Variants in ADNP2 observed in about 807,000 individuals in gnomAD.
ADNP2 encodes the protein activity-dependent neuroprotector homeobox protein 2.
In ADNP2, 8 loss-of-function variants were observed where a neutral mutation model predicts 16.4. The ratio of observed to expected loss-of-function variants is 0.49; its 90% confidence interval spans 0.29 to 0.88. The LOEUF is 0.88. ADNP2 is among the 40% of genes least tolerant of loss of function. ADNP2 has a pLI of 0.09. For missense variants in ADNP2, 1,397 were observed against 1,395.1 expected (o/e 1.00, Z -0.02); for synonymous variants, 637 against 545.8 (o/e 1.17, Z -2.33).
At chr18:80,130,269 T>C (rs140123070) in intron 2 of ADNP2, among the ~76,000 whole-genome samples, 9 of 152,360 alleles carry the variant, frequency 5.9e-5, no homozygotes, top group East Asian at 3.9e-4. Flanking sequence ...TTTGTACTTA[T>C]ACTTTTCTGT....
At chr18:80,126,691 C>T (rs1296739286) in intron 2 of ADNP2, among the ~76,000 whole-genome samples, 4 of 152,114 alleles carry the variant, frequency 2.6e-5, no homozygotes, top group South Asian at 4.2e-4. Context: ...CTTTGTGTGT[C>T]TTTTGCTTAG....
rs749208889 is a variant in ADNP2, at chr18:80,137,532, G to A, written c.2119G>A (p.Val707Ile). ...CTGCAACGAGCTCTTTCCGTCCAAC[G>A]TCTACCAGGTCCACATGGAGGTAGC... is the stretch of plus-strand genomic sequence containing the variant. ...PVCNELFPSNVYQVHMEVAHK... is the reference protein window; with the variant it reads ...PVCNELFPSNIYQVHMEVAHK... Residue 707 changes from valine to isoleucine, a missense_variant, in exon 4 of 4, where the codon GTC (valine) becomes ATC (isoleucine). Transcript: ENST00000262198. The surrounding 1 kb of genome is among the most constrained non-coding windows in gnomAD (Gnocchi z 4.2). 1.4e-5 allele frequency: 22 copies of A among 1,614,096 alleles called. No individual in the cohort carries two copies. Among genetic ancestry groups the A allele is most frequent in the Middle Eastern group, 1.6e-4 (1 of 6,084 alleles).
chr18:80,122,658 G>T (rs1263694891), intron 2 of ADNP2, among the ~76,000 whole-genome samples: 1 of 152,170 alleles, frequency 6.6e-6, no homozygotes, highest in African/African-American at 2.4e-5. Flanking sequence ...ACTGATTTTT[G>T]TGTATTGATC....
At position 80,135,968 on chromosome 18, in the gene ADNP2, C is replaced by T. The variant is rs2052530018; in HGVS notation, c.555C>T (p.Ser185=). 2 of 1,614,098 alleles carry T rather than the reference C, an allele frequency of 1.2e-6. No homozygotes were observed. Among genetic ancestry groups the T allele is most frequent in the East Asian group, 2.2e-5 (1 of 44,896 alleles). Residue 185 remains serine, a synonymous_variant, in exon 4 of 4, where the codon TCC becomes TCT. Transcript: ENST00000262198. Reference sequence around the variant, plus strand: ...CCCATTTTCACTACTTAATTAACTCCTACTTTGGCCTAAGAACTGAGGAAA... The same window carrying T: ...CCCATTTTCACTACTTAATTAACTCTTACTTTGGCCTAAGAACTGAGGAAA... ...LVAHFHYLIN[S]YFGLRTEEMG...
chr18:80,130,256 G>A (rs2052487489), intron 2 of ADNP2, among the ~76,000 whole-genome samples: 1 of 152,168 alleles, frequency 6.6e-6, no homozygotes, highest in South Asian at 2.1e-4. Context: ...TTGTCTTTGA[G>A]CATTTGTACT....
chr18:80,113,578 A>G (rs1285329710), intron 1 of ADNP2, among the ~76,000 whole-genome samples: 5 of 152,150 alleles, frequency 3.3e-5, no homozygotes, highest in African/African-American at 1.2e-4. Flanking sequence ...AGAACCTCCT[A>G]GCACTTTCTG....
In ADNP2 at chr18:80,137,383, C is replaced by T; in HGVS notation, c.1970C>T (p.Pro657Leu). ...GAAAPMAGSMPGMPSPPVLVN... is the reference protein window; with the variant it reads ...GAAAPMAGSMLGMPSPPVLVN... ...GCTGCACCAATGGCCGGTTCCATGC[C>T]CGGCATGCCCTCTCCTCCAGTGCTG... The change falls in exon 4 of 4, where the codon CCC (proline) becomes CTC (leucine). Residue 657 changes from proline to leucine, a missense_variant. Transcript: ENST00000262198. This position sits in a 1 kb window ranked among gnomAD's most constrained non-coding sequence, Gnocchi z 4.2. The T allele has an allele frequency of 6.2e-7, 1 of 1,614,164 alleles. No individual in the cohort carries two copies.
chr18:80,127,087 T>G (rs1333769802), intron 2 of ADNP2, among the ~76,000 whole-genome samples: 2 of 152,212 alleles, frequency 1.3e-5, no homozygotes, highest in African/African-American at 2.4e-5. Flanking sequence ...TTACAATTGT[T>G]CTAGTTTATT....
Position 80,136,692 on chromosome 18 carries a change from C to G in ADNP2, c.1279C>G (p.Pro427Ala), listed in dbSNP as rs766046056. The change falls in exon 4 of 4, where the codon CCT (proline) becomes GCT (alanine). Residue 427 changes from proline to alanine, a missense_variant. By Grantham distance (27) the Pro-to-Ala change is conservative. Transcript: ENST00000262198. ...GVLPVSPSVT[P>A]GVLQAVSPGV... is the part of the protein sequence containing the mutation. ...TCTTCCTGTGAGCCCCTCTGTCACC[C>G]CTGGGGTCCTGCAGGCTGTCTCGCC... The G allele has an allele frequency of 2.5e-6, 4 of 1,613,224 alleles. No homozygotes were observed. In the African/African-American group the frequency reaches 5.3e-5, roughly 22 times the overall value.
At chr18:80,112,651 C>T (rs536997982) in intron 1 of ADNP2, among the ~76,000 whole-genome samples, 2 of 152,316 alleles carry the variant, frequency 1.3e-5, no homozygotes, top group Non-Finnish European at 2.9e-5. Flanking sequence ...GAACAAGTAA[C>T]CACAGACCCC....
rs1169780747 is a variant in ADNP2 at position 80,136,755 on chromosome 18, G to C, written c.1342G>C (p.Val448Leu). The change falls in exon 4 of 4, where the codon GTC becomes CTC. Residue 448 changes from valine to leucine, a missense_variant. By Grantham distance (32) the Val-to-Leu change is conservative. This residue lies in a region of ADNP2 where 777 missense variants were observed against 719.4 expected (regional missense o/e 1.08). Coordinates refer to ENST00000262198, the MANE Select transcript of ADNP2 (RefSeq NM_014913.4). ...LSVSRAVPSG[V>L]LPAGQMTPAG... is the part of the protein sequence containing the mutation. Reference sequence around the variant, plus strand: ...TGTGAGTCGGGCGGTCCCGTCTGGAGTCCTTCCTGCAGGCCAGATGACTCC... The same window carrying C: ...TGTGAGTCGGGCGGTCCCGTCTGGACTCCTTCCTGCAGGCCAGATGACTCC... 2 of 1,610,476 alleles carry C rather than the reference G, an allele frequency of 1.2e-6. No individual in the cohort carries two copies. Among genetic ancestry groups the C allele is most frequent in the South Asian group, 2.2e-5 (2 of 91,004 alleles).
At position 80,109,426 on chromosome 18, in the gene ADNP2, C is replaced by T. The variant is rs1282657361; in HGVS notation, c.-60C>T. On this transcript the variant is annotated 5_prime_UTR_variant, in exon 1 of 4. Coordinates refer to ENST00000262198, the MANE Select transcript of ADNP2 (RefSeq NM_014913.4). The stretch of plus-strand genomic sequence containing the variant: ...GCGCTCGGCGGAAGACGCGGCAGCC[C>T]TGCGAGAGGCAGCAGCGGAGACGCG... 3 of 148,246 alleles carry T rather than the reference C, an allele frequency of 2.0e-5. No homozygotes were observed. The highest frequency in any genetic ancestry group is 7.3e-5 in the African/African-American group (3 of 41,042). 9.2% of individuals were successfully genotyped at this position (148,246 alleles called of 1,614,324 possible).
intron 1 of ADNP2, among the ~76,000 whole-genome samples, chr18:80,115,456 A>G (rs1568408034): frequency 6.6e-6 from 1 of 152,162 alleles, no homozygotes; most frequent in Non-Finnish European, 1.5e-5. Context: ...GGGCAGAGCT[A>G]TGGAATGTAT....
rs115393278 is a variant in ADNP2, at chr18:80,112,236, C to T, written c.-14+2764C>T. ...GGGCATTTTACATGGAATATTTTAT[C>T]TTAGGATTGATAAATTATGCTATAA... is the stretch of plus-strand genomic sequence containing the variant. On this transcript the variant is annotated intron_variant, in intron 1 of 3. Coordinates refer to ENST00000262198, the MANE Select transcript of ADNP2 (RefSeq NM_014913.4). Among the ~76,000 whole-genome samples the T allele has an allele frequency of 3.4e-3, 512 of 152,120 alleles. 3 individuals carry two copies. Among genetic ancestry groups the T allele is most frequent in the African/African-American group, 0.012 (490 of 41,488 alleles).
rs777961983 is a variant in ADNP2, at chr18:80,136,532, C to T, written c.1119C>T (p.Pro373=). The T allele has an allele frequency of 1.2e-6, 2 of 1,614,236 alleles. No individual in the cohort carries two copies. Among genetic ancestry groups the T allele is most frequent in the Non-Finnish European group, 1.7e-6 (2 of 1,180,050 alleles). The part of the protein sequence containing the change: ...LHQSVNPPVL[P]LSQPVGPVNK... ...AGTCTGTGAATCCTCCTGTGTTGCCCTTGAGTCAGCCAGTCGGACCTGTCA... is the reference window on the plus strand; with the variant it reads ...AGTCTGTGAATCCTCCTGTGTTGCCTTTGAGTCAGCCAGTCGGACCTGTCA... Residue 373 remains proline (P), a synonymous_variant, in exon 4 of 4, where the codon CCC becomes CCT. Transcript: ENST00000262198.
chr18:80,133,333 G>T, intron 3 of ADNP2, 141 bp downstream of exon 3: 1 of 710,006 alleles, frequency 1.4e-6, no homozygotes, highest in South Asian at 1.6e-5. Flanking sequence ...CAGAGAAGTA[G>T]CAAGAAACCA....
chr18:80,116,567 T>C (rs1026907506), intron 1 of ADNP2, among the ~76,000 whole-genome samples: 4 of 152,120 alleles, frequency 2.6e-5, no homozygotes, highest in East Asian at 1.9e-4. Context: ...TTTATAGATA[T>C]CCTGGTGGGC....
At position 80,137,806 on chromosome 18, in the gene ADNP2, A is replaced by T. The variant is rs143687189; in HGVS notation, c.2393A>T (p.Lys798Met). ...AGGAATAGGCACCTGGGGAAGAAGA[A>T]GTTGCCTATGGATTATAGCAACAGA... is the stretch of plus-strand genomic sequence containing the variant. ...HSRNRHLGKK[K>M]LPMDYSNRGF... The change falls in exon 4 of 4, where the codon AAG becomes ATG. Residue 798 changes from lysine (K) to methionine (M), a missense_variant. Lys to Met is a moderately conservative substitution (Grantham distance 95, BLOSUM62 -1). This residue lies in a region of ADNP2 where 611 missense variants were observed against 648.7 expected (regional missense o/e 0.94). Transcript: ENST00000262198. The surrounding 1 kb of genome is among the most constrained non-coding windows in gnomAD (Gnocchi z 4.2). 2 of 1,614,188 alleles carry T rather than the reference A, an allele frequency of 1.2e-6. No individual in the cohort carries two copies. Among genetic ancestry groups the T allele is most frequent in the East Asian group, 2.2e-5 (1 of 44,894 alleles).
chr18:80,117,732 A>G, intron 2 of ADNP2, 82 bp downstream of exon 2: 1 of 1,032,458 alleles, frequency 9.7e-7, no homozygotes, highest in East Asian at 2.6e-5. Context: ...GATTCCTCAA[A>G]ATGGAAATTG....
Sources: gnomAD v4.1 joint callset for allele counts (sites outside exome capture counted in the v4.1 genomes callset) on GRCh38, gnomAD v4.1.1 for gene constraint, gnomAD v4.1.1 regional missense constraint, Gnocchi (gnomAD v3.1) non-coding constraint, MANE v1.5 for transcripts, NCBI Gene and HGNC (gene_info 2026-07-23, HGNC 2026-07-21) for gene names.